CD109: variants seen among roughly 807,000 people sequenced by gnomAD.
CD109 encodes CD109 antigen.
A neutral mutation model predicts 165.8 loss-of-function variants in CD109; 149 were observed. That is an observed-to-expected ratio of 0.90 (90% CI 0.79 to 1.03). CD109 has a LOEUF of 1.03. Ranked by LOEUF, CD109 falls within the 50% of genes least tolerant of loss-of-function variation. The pLI is 0.00. For synonymous variants in CD109, 585 were observed against 592.1 expected (o/e 0.99, Z 0.18); for missense variants, 1,712 against 1,677.8 (o/e 1.02, Z -0.36).
intron 32 of CD109, among the ~76,000 whole-genome samples, chr6:73,823,247 A>G (rs1270226844): frequency 1.3e-5 from 2 of 152,224 alleles, no homozygotes; most frequent in Admixed American, 6.5e-5. Context: ...CTGGTGGTAG[A>G]CAGATTGGAC....
intron 7 of CD109, 72 bp downstream of exon 7, chr6:73,759,100 C>A: frequency 1.1e-6 from 1 of 951,802 alleles, no homozygotes; most frequent in Non-Finnish European, 1.6e-6. Context: ...TGATTGTATA[C>A]TTCAGAATAT....
In CD109 at chr6:73,820,549, A is replaced by C. The variant is rs761726335; in HGVS notation, c.4148A>C (p.Asp1383Ala). The change falls in exon 32 of 33, where the codon GAT becomes GCT. Residue 1383 changes from aspartate (D) to alanine (A), a missense_variant. Asp to Ala is a moderately radical substitution (Grantham distance 126). Transcript: ENST00000287097. ...NTQDASVSIV[D>A]YYEPRRQAVR... Reference sequence around the variant, plus strand: ...CAAGATGCTTCAGTGTCCATAGTGGATTACTATGAGCCAAGTAAGTATGCT... The same window carrying C: ...CAAGATGCTTCAGTGTCCATAGTGGCTTACTATGAGCCAAGTAAGTATGCT... 2.5e-6 allele frequency: 4 copies of C among 1,589,912 alleles called. No homozygotes were observed. Among genetic ancestry groups the C allele is most frequent in the Non-Finnish European group, 3.4e-6 (4 of 1,159,646 alleles).
At chr6:73,799,677 C>G (rs1326839494) in intron 23 of CD109, among the ~76,000 whole-genome samples, 1 of 152,100 alleles carries the variant, frequency 6.6e-6, no homozygotes, top group African/African-American at 2.4e-5. Flanking sequence ...AAGGACAGCA[C>G]CAAGATCCAG....
intron 7 of CD109, among the ~76,000 whole-genome samples, chr6:73,761,049 AC>A: frequency 6.6e-6 from 1 of 151,622 alleles, no homozygotes; most frequent in East Asian, 1.9e-4. Context: ...ACACACACAC[AC>A]ACACACACAC....
At chr6:73,816,900 G>A (rs542652387) in intron 30 of CD109, among the ~76,000 whole-genome samples, 1 of 152,150 alleles carries the variant, frequency 6.6e-6, no homozygotes, top group Admixed American at 6.5e-5. Context: ...GCATTTATAG[G>A]GGTTCATGTA....
intron 4 of CD109, among the ~76,000 whole-genome samples, chr6:73,734,797 G>C (rs772360749): frequency 2.6e-5 from 4 of 152,204 alleles, no homozygotes; most frequent in African/African-American, 4.8e-5. Context: ...GCAAAGTTTA[G>C]AGGATAAGTC....
chr6:73,807,935 A>G (rs372363746), intron 25 of CD109, 148 bp from the exon 26 acceptor site: 36 of 620,254 alleles, frequency 5.8e-5, no homozygotes, highest in East Asian at 2.6e-4. Context: ...GTCAATGATC[A>G]TGGTTGATTT....
At position 73,763,628 on chromosome 6, in the gene CD109, C is replaced by T; in HGVS notation, c.1050C>T (p.Ile350=). The part of the protein sequence containing the change: ...TNVFFKQHDY[I]IEFFDYTTVL... ...TGTTCTTCAAGCAACATGATTACAT[C>T]ATTGAGTTTTTTGATTATACTACTG... is the stretch of plus-strand genomic sequence containing the variant. The change falls in exon 10 of 33, where the codon ATC becomes ATT. Residue 350 remains isoleucine (I), a synonymous_variant. Transcript: ENST00000287097. 6.3e-7 allele frequency: 1 copy of T among 1,596,506 alleles called. No homozygotes were observed.
At chr6:73,696,081 T>C, upstream of CD109, 1 of 795,576 alleles carries the variant, frequency 1.3e-6, no homozygotes, top group Non-Finnish European at 2.1e-6. Context: ...CACTCTGCTG[T>C]TAGGCGCGCC....
intron 2 of CD109, chr6:73,723,016 GT>G: frequency 2.6e-6 from 1 of 388,190 alleles, no homozygotes; most frequent in Non-Finnish European, 3.5e-6. Context: ...AGAACCTAAT[GT>G]TTTTTGGGTT....
intron 3 of CD109, among the ~76,000 whole-genome samples, chr6:73,725,447 T>C (rs1435354802): frequency 6.6e-6 from 1 of 151,230 alleles, no homozygotes; most frequent in Non-Finnish European, 1.5e-5. Context: ...TCAATGATAC[T>C]AGTATAAACT....
chr6:73,696,078 C>G, upstream of CD109: 1 of 767,698 alleles, frequency 1.3e-6, no homozygotes, highest in South Asian at 1.5e-5. Context: ...TCTCACTCTG[C>G]TGTTAGGCGC....
chr6:73,815,010 TG>T lies in CD109; in HGVS notation c.3801del (p.Ser1268LeufsTer16). 6.3e-7 allele frequency: 1 copy of T among 1,577,034 alleles called. No homozygotes were observed. Among genetic ancestry groups the T allele is most frequent in the South Asian group, 1.2e-5 (1 of 83,596 alleles). On this transcript the variant is annotated frameshift_variant, in exon 30 of 33. Coordinates refer to ENST00000287097, the MANE Select transcript of CD109 (RefSeq NM_133493.5). LOFTEE classifies it high-confidence loss of function. ...ATGTTGTATATAATGTGAAGGCTTC[TG>T]GGTCTTCTAGAAGACGAAGATCTAT... ...LNVVYNVKAS[G>X]SSRRRRSIQN... is the part of the protein sequence containing the mutation.
At chr6:73,760,324 G>C (rs889828991) in intron 7 of CD109, among the ~76,000 whole-genome samples, 1 of 147,558 alleles carries the variant, frequency 6.8e-6, no homozygotes, top group African/African-American at 2.5e-5. Flanking sequence ...GGAGAATGGC[G>C]TGAACCTGGG....
chr6:73,731,132 C>T (rs531776613), intron 4 of CD109, among the ~76,000 whole-genome samples: 7 of 151,976 alleles, frequency 4.6e-5, no homozygotes, highest in East Asian at 3.9e-4. Flanking sequence ...CTGCAACCTC[C>T]GCCTCCTTGG....
At chr6:73,745,252 G>A (rs1772937919) in intron 5 of CD109, among the ~76,000 whole-genome samples, 1 of 151,992 alleles carries the variant, frequency 6.6e-6, no homozygotes, top group Non-Finnish European at 1.5e-5. Context: ...ACAGGCATGT[G>A]CCACCATGGG....
intron 2 of CD109, among the ~76,000 whole-genome samples, chr6:73,717,611 CTTTTTTTT>C (rs779915655): frequency 8.0e-5 from 6 of 74,812 alleles, no homozygotes; most frequent in Non-Finnish European, 1.4e-4. Flanking sequence ...TCTACTGATT[CTTTTTTTT>C]TTTTTTTTTT....
At chr6:73,715,441 T>G (rs1290794495) in intron 2 of CD109, among the ~76,000 whole-genome samples, 1 of 151,756 alleles carries the variant, frequency 6.6e-6, no homozygotes, top group Non-Finnish European at 1.5e-5. Context: ...GGCCTGTGCT[T>G]GTAGTCCTAG....
At chr6:73,809,803 A>G (rs1775688688) in intron 26 of CD109, among the ~76,000 whole-genome samples, 181 bp from the exon 27 acceptor site, 1 of 152,116 alleles carries the variant, frequency 6.6e-6, no homozygotes, top group Non-Finnish European at 1.5e-5. Context: ...ATGTATACAT[A>G]TGTATGTGTG....
Sources: allele counts gnomAD v4.1 joint callset (sites outside exome capture counted in the v4.1 genomes callset), GRCh38; gene constraint gnomAD v4.1.1; transcripts MANE v1.5; gene names NCBI Gene and HGNC (gene_info 2026-07-23, HGNC 2026-07-21).